The following SCHIP1 variants were observed in gnomAD, a reference collection of about 807,000 sequenced individuals.
SCHIP1 encodes the protein schwannomin interacting protein 1.
A neutral mutation model predicts 29.7 loss-of-function variants in SCHIP1; 8 were observed. The ratio of observed to expected loss-of-function variants is 0.27; its 90% CI spans 0.16 to 0.49. SCHIP1 has a LOEUF of 0.49. Among genes scored for constraint, SCHIP1 ranks in the 20% least tolerant of loss-of-function variants. SCHIP1 has a pLI of 0.99. For missense variants in SCHIP1, 193 were observed against 294.6 expected (o/e 0.66, Z 2.52); for synonymous variants, 76 against 94.9 (o/e 0.80, Z 1.16).
At chr3:159,730,100 T>A in the SCHIP1 span, among the ~76,000 whole-genome samples, 8 of 152,342 alleles carry the variant, frequency 5.3e-5, no homozygotes, top group East Asian at 1.9e-4. Context: ...TTTCCTTATT[T>A]GTACATAGTT....
At chr3:159,705,782 C>A in the SCHIP1 span, among the ~76,000 whole-genome samples, 1 of 152,200 alleles carries the variant, frequency 6.6e-6, no homozygotes, top group Admixed American at 6.5e-5. Context: ...TCTCGGCTCA[C>A]TGCAAGCTCC....
the SCHIP1 span, among the ~76,000 whole-genome samples, chr3:159,700,494 T>C: frequency 6.6e-6 from 1 of 152,192 alleles, no homozygotes; most frequent in Non-Finnish European, 1.5e-5. Context: ...TAGGTAAGTG[T>C]TCACTGCTTT....
chr3:159,703,031 A>G, the SCHIP1 span, among the ~76,000 whole-genome samples: 1 of 152,168 alleles, frequency 6.6e-6, no homozygotes, highest in Non-Finnish European at 1.5e-5. Context: ...TTCTTTATCT[A>G]CTAGTCATCC....
chr3:159,846,905 A>G (rs557571445), intron 1 of SCHIP1, among the ~76,000 whole-genome samples: 13 of 152,160 alleles, frequency 8.5e-5, no homozygotes, highest in Admixed American at 4.6e-4. Flanking sequence ...ATGTCTGAAA[A>G]TCTAATTTAT....
the SCHIP1 span, among the ~76,000 whole-genome samples, chr3:159,508,682 G>C: frequency 6.6e-6 from 1 of 152,144 alleles, no homozygotes; most frequent in East Asian, 1.9e-4. Flanking sequence ...TGTTTTTGTT[G>C]GTTTCAAAGA....
intron 5 of SCHIP1, among the ~76,000 whole-genome samples, chr3:159,890,467 T>C (rs1717398210): frequency 6.6e-6 from 1 of 152,034 alleles, no homozygotes; most frequent in Non-Finnish European, 1.5e-5. Context: ...TTCCACAAGA[T>C]CCAAATAAAA....
the SCHIP1 span, among the ~76,000 whole-genome samples, chr3:159,562,337 G>A: frequency 6.6e-6 from 1 of 152,194 alleles, no homozygotes; most frequent in Non-Finnish European, 1.5e-5. Flanking sequence ...GGAAAGTATA[G>A]TTTGTAACCA....
the SCHIP1 span, among the ~76,000 whole-genome samples, chr3:159,354,484 T>G: frequency 6.6e-6 from 1 of 152,214 alleles, no homozygotes; most frequent in Non-Finnish European, 1.5e-5. Context: ...TCTCAATGGT[T>G]ATTTTGGGAA....
the SCHIP1 span, among the ~76,000 whole-genome samples, chr3:159,620,566 C>A: frequency 6.6e-6 from 1 of 152,220 alleles, no homozygotes; most frequent in African/African-American, 2.4e-5. Flanking sequence ...TCTTTTCATG[C>A]CCAGACTCTT....
chr3:159,765,128 A>T, the SCHIP1 span: 25 of 1,562,854 alleles, frequency 1.6e-5, 1 homozygote, highest in South Asian at 2.8e-4. Context: ...GCGAGGACCA[A>T]CTCCACCTCC....
the SCHIP1 span, among the ~76,000 whole-genome samples, chr3:159,456,050 G>A: frequency 2.0e-5 from 3 of 152,094 alleles, no homozygotes; most frequent in South Asian, 2.1e-4. Context: ...CTCAGATATC[G>A]CCTCAACCTA....
the SCHIP1 span, among the ~76,000 whole-genome samples, chr3:159,569,422 G>T: frequency 6.6e-6 from 1 of 152,080 alleles, no homozygotes; most frequent in Non-Finnish European, 1.5e-5. Flanking sequence ...GCAGTGTTTG[G>T]TTTTCTGTCC....
the SCHIP1 span, among the ~76,000 whole-genome samples, chr3:159,342,015 C>A: frequency 1.9e-4 from 29 of 152,210 alleles, no homozygotes; most frequent in Admixed American, 8.5e-4. Flanking sequence ...CTTCATTATT[C>A]TATTGGGAGT....
chr3:159,495,120 G>A, the SCHIP1 span, among the ~76,000 whole-genome samples: 130 of 152,252 alleles, frequency 8.5e-4, 1 homozygote, highest in Admixed American at 1.6e-3. Flanking sequence ...AATAATAAGA[G>A]CTATCTATGA....
chr3:159,417,867 C>T, the SCHIP1 span, among the ~76,000 whole-genome samples: 1 of 152,186 alleles, frequency 6.6e-6, no homozygotes, highest in Non-Finnish European at 1.5e-5. Context: ...TCTCAGCTCG[C>T]CTGCCAGGGT....
chr3:159,773,463 C>T, the SCHIP1 span, among the ~76,000 whole-genome samples: 1 of 152,166 alleles, frequency 6.6e-6, no homozygotes. Context: ...CTCCTAATTC[C>T]CACTTTTAAT....
chr3:159,776,252 A>C, the SCHIP1 span, among the ~76,000 whole-genome samples: 6 of 151,544 alleles, frequency 4.0e-5, no homozygotes, highest in African/African-American at 1.5e-4. Context: ...TTTTTTCTTT[A>C]TGCAGTCTTA....
the SCHIP1 span, among the ~76,000 whole-genome samples, chr3:159,527,375 G>T: frequency 6.6e-6 from 1 of 152,172 alleles, no homozygotes; most frequent in Non-Finnish European, 1.5e-5. Flanking sequence ...TCCCAAGAAA[G>T]CAACACTTGC....
chr3:159,393,140 G>A, the SCHIP1 span, among the ~76,000 whole-genome samples: 2 of 152,158 alleles, frequency 1.3e-5, no homozygotes, highest in Admixed American at 1.3e-4. Flanking sequence ...CATGTCCTTT[G>A]CCCACTTTTT....
Sources: gnomAD v4.1 joint callset for allele counts (sites outside exome capture counted in the v4.1 genomes callset) on GRCh38, gnomAD v4.1.1 for gene constraint, MANE v1.5 for transcripts, NCBI Gene and HGNC (gene_info 2026-07-23, HGNC 2026-07-21) for gene names.